The following NEBL variants were observed in gnomAD, a reference collection of about 807,000 sequenced individuals.
NEBL encodes the protein LIM and SH3 protein 2.
Under a neutral mutation model 140.2 loss-of-function variants are expected in NEBL, and 122 were observed. The ratio of observed to expected loss-of-function variants is 0.87; its 90% CI spans 0.75 to 1.01. The LOEUF is 1.01. NEBL is among the 50% of genes least tolerant of loss of function. NEBL has a pLI of 0.00. For synonymous variants in NEBL, 436 were observed against 398.9 expected (o/e 1.09, Z -1.11); for missense variants, 1,365 against 1,231.3 (o/e 1.11, Z -1.62).
intron 4 of NEBL, among the ~76,000 whole-genome samples, chr10:20,886,505 G>A (rs1367349314): frequency 6.6e-6 from 1 of 152,062 alleles, no homozygotes; most frequent in South Asian, 2.1e-4. Flanking sequence ...TTCCAGCCTG[G>A]GTGACCAAGC....
chr10:21,121,656 C>A (rs1838579166), intron 2 of NEBL, among the ~76,000 whole-genome samples: 1 of 152,150 alleles, frequency 6.6e-6, no homozygotes. Context: ...CAATCTCCTA[C>A]CCAATGCTAG....
intron 3 of NEBL, among the ~76,000 whole-genome samples, chr10:21,018,341 T>C (rs958665999): frequency 1.3e-5 from 2 of 152,154 alleles, no homozygotes; most frequent in Non-Finnish European, 2.9e-5. Context: ...AATTACCTGA[T>C]GAACCCTAAC....
chr10:20,963,611 T>A (rs1480241582), intron 3 of NEBL, among the ~76,000 whole-genome samples: 1 of 152,184 alleles, frequency 6.6e-6, no homozygotes, highest in Non-Finnish European at 1.5e-5. Context: ...CCTAGGATGG[T>A]CTTGAACTCC....
intron 2 of NEBL, among the ~76,000 whole-genome samples, chr10:21,043,563 T>A (rs1212318812): frequency 6.6e-6 from 1 of 152,236 alleles, no homozygotes; most frequent in Non-Finnish European, 1.5e-5. Context: ...CATACATGAT[T>A]AAAGGAATTC....
chr10:20,895,557 T>C (rs1033224743), intron 2 of NEBL, among the ~76,000 whole-genome samples: 1 of 152,216 alleles, frequency 6.6e-6, no homozygotes, highest in African/African-American at 2.4e-5. Flanking sequence ...TCACTAAATC[T>C]TAACTGTTGC....
intron 2 of NEBL, among the ~76,000 whole-genome samples, chr10:21,063,054 T>G (rs1835371713): frequency 6.6e-6 from 1 of 152,092 alleles, no homozygotes; most frequent in African/African-American, 2.4e-5. Context: ...GGTTGGGGGT[T>G]GGCCTCAGTT....
intron 1 of NEBL, among the ~76,000 whole-genome samples, chr10:21,272,384 T>C (rs1564553549): frequency 2.0e-5 from 3 of 152,156 alleles, no homozygotes; most frequent in Middle Eastern, 3.4e-3. Flanking sequence ...AGAAGTTTAA[T>C]ACCAGCCTGG....
At chr10:21,082,761 A>ATTTTTTTTTT (rs71392113) in intron 2 of NEBL, among the ~76,000 whole-genome samples, 4 of 109,526 alleles carry the variant, frequency 3.7e-5, no homozygotes, top group South Asian at 3.0e-4. Context: ...GGAGGGATGC[A>ATTTTTTTTTT]TTTTTTTTTT....
intron 2 of NEBL, among the ~76,000 whole-genome samples, chr10:21,097,227 G>C (rs59276470): frequency 5.4e-5 from 8 of 147,516 alleles, no homozygotes; most frequent in Non-Finnish European, 8.9e-5. Context: ...TCCGGGGGGG[G>C]GGTGGGGCAG....
At chr10:20,807,029 A>G (rs752522372) in intron 26 of NEBL, among the ~76,000 whole-genome samples, 2 of 152,194 alleles carry the variant, frequency 1.3e-5, no homozygotes, top group African/African-American at 2.4e-5. Context: ...CCCACGTCCA[A>G]AAAAAGTAAT....
chr10:20,869,135 T>C (rs973356957), intron 6 of NEBL, among the ~76,000 whole-genome samples: 1 of 152,158 alleles, frequency 6.6e-6, no homozygotes, highest in Non-Finnish European at 1.5e-5. Flanking sequence ...GTTCTGGCCA[T>C]ACTTGATTGA....
intron 2 of NEBL, among the ~76,000 whole-genome samples, chr10:21,044,269 C>A (rs1475480603): frequency 2.0e-5 from 3 of 151,780 alleles, no homozygotes; most frequent in Admixed American, 6.6e-5. Flanking sequence ...TGGTGGTGGG[C>A]GCCTGTAATC....
chr10:21,160,329 A>G (rs1840506009), intron 2 of NEBL, among the ~76,000 whole-genome samples: 1 of 152,336 alleles, frequency 6.6e-6, no homozygotes, highest in Non-Finnish European at 1.5e-5. Flanking sequence ...TATATGACAC[A>G]AGAGGCGCAC....
rs748177743 is a variant in NEBL, at chr10:20,889,918, T to C, written c.185A>G (p.Lys62Arg). Residue 62 changes from lysine (K) to arginine (R), a missense_variant, in exon 3 of 28, where the codon AAG (lysine) becomes AGG (arginine). By Grantham distance (26) the Lys-to-Arg change is conservative. Transcript: ENST00000377122. ...GTCAGTCACAAATGTACACTTATCC[T>C]TGGACTTTTTAAACTCTTCTTTATA... Reference protein sequence around the residue: ...IRYKEEFKKSKDKCTFVTDSP... With the variant: ...IRYKEEFKKSRDKCTFVTDSP... 6.2e-7 allele frequency: 1 copy of C among 1,609,766 alleles called. No homozygotes were observed. Among genetic ancestry groups the C allele is most frequent in the Admixed American group, 1.7e-5 (1 of 59,828 alleles).
intron 3 of NEBL, among the ~76,000 whole-genome samples, chr10:21,001,971 A>G (rs1837921647): frequency 6.6e-6 from 1 of 152,206 alleles, no homozygotes; most frequent in Non-Finnish European, 1.5e-5. Flanking sequence ...TTAAAAAAGA[A>G]ACATAAAGCC....
rs757325432 is a variant in NEBL at position 20,848,796 on chromosome 10, G to A, written c.1116+1599C>T. ...ACCCATCCCTGGTGCCAAAAAGATT[G>A]GAGACCACTGAATAAGACACAAAAA... On this transcript the variant is annotated intron_variant, in intron 11 of 27. Coordinates refer to ENST00000377122, the MANE Select transcript of NEBL (RefSeq NM_006393.3). Among the ~76,000 whole-genome samples the A allele has an allele frequency of 3.3e-5, 5 of 152,052 alleles. No homozygotes were observed. In the South Asian group the frequency reaches 6.2e-4, roughly 19 times the overall value.
At chr10:20,939,849 T>C (rs1834746582) in intron 4 of NEBL, among the ~76,000 whole-genome samples, 1 of 152,198 alleles carries the variant, frequency 6.6e-6, no homozygotes, top group Admixed American at 6.5e-5. Context: ...GGCCATTACA[T>C]AATGGTAAAG....
At chr10:21,092,067 T>A (rs1353992158) in intron 2 of NEBL, among the ~76,000 whole-genome samples, 7 of 152,366 alleles carry the variant, frequency 4.6e-5, no homozygotes, top group Non-Finnish European at 8.8e-5. Flanking sequence ...TTACAGAGTA[T>A]CAGCAACTAC....
At chr10:20,912,145 A>G (rs1174959822) in intron 4 of NEBL, among the ~76,000 whole-genome samples, 1 of 152,232 alleles carries the variant, frequency 6.6e-6, no homozygotes, top group Non-Finnish European at 1.5e-5. Flanking sequence ...CATGAAAATG[A>G]CTTTTAAAAA....
Sources: gnomAD v4.1 joint callset for allele counts (sites outside exome capture counted in the v4.1 genomes callset) on GRCh38, gnomAD v4.1.1 for gene constraint, MANE v1.5 for transcripts, NCBI Gene and HGNC (gene_info 2026-07-23, HGNC 2026-07-21) for gene names.